The following MIB1 variants were observed in gnomAD, a reference collection of about 807,000 sequenced individuals.
MIB1 encodes the protein MIB E3 ubiquitin protein ligase 1.
Under a neutral mutation model 124.5 loss-of-function variants are expected in MIB1, and 278 were observed. The observed-to-expected ratio is 2.23, with a 90% CI of 2.02 to 2.47. The LOEUF is 2.47. MIB1 is among the 30% of genes most tolerant of loss of function. The pLI, the probability that MIB1 is intolerant of heterozygous loss-of-function variation, is 0.00. For synonymous variants in MIB1, 446 were observed against 429.4 expected, an observed-to-expected ratio of 1.04 and a Z score of -0.48; for missense variants, 957 against 1,254.4, an observed-to-expected ratio of 0.76 and a Z score of 3.58.
intron 12 of MIB1, among the ~76,000 whole-genome samples, chr18:21,830,083 G>T (rs1415285098): frequency 1.3e-5 from 2 of 152,162 alleles, no homozygotes; most frequent in African/African-American, 2.4e-5. Flanking sequence ...TCTGCAGCTT[G>T]TGATAAAAAG....
chr18:21,766,381 A>C (rs1163062735), intron 2 of MIB1, among the ~76,000 whole-genome samples: 1 of 144,894 alleles, frequency 6.9e-6, no homozygotes, highest in Non-Finnish European at 1.5e-5. Flanking sequence ...GACACATAGT[A>C]TTCTTAAGGA....
intron 14 of MIB1, among the ~76,000 whole-genome samples, chr18:21,843,586 C>T (rs538648673): frequency 1.3e-5 from 2 of 152,246 alleles, no homozygotes; most frequent in African/African-American, 4.8e-5. Context: ...AAACACTGTT[C>T]GTATTTATTG....
intron 1 of MIB1, among the ~76,000 whole-genome samples, chr18:21,707,506 G>A (rs1015031370): frequency 3.9e-5 from 6 of 152,198 alleles, no homozygotes; most frequent in African/African-American, 1.4e-4. Flanking sequence ...TCTTGCTGCT[G>A]CTCATTCTTT....
At chr18:21,765,695 A>AT (rs1162266786) in intron 1 of MIB1, 77 bp from the exon 2 acceptor site, 3 of 1,416,662 alleles carry the variant, frequency 2.1e-6, no homozygotes, top group East Asian at 2.4e-5. Context: ...TTCTGTTCTT[A>AT]TTTTTTTCCC....
intron 1 of MIB1, among the ~76,000 whole-genome samples, chr18:21,713,505 C>T (rs1175187700): frequency 6.8e-5 from 10 of 147,362 alleles, no homozygotes; most frequent in East Asian, 2.1e-4. Flanking sequence ...CCCAGCTACT[C>T]GGGAGGATGA....
chr18:21,849,104 T>C, intron 16 of MIB1, 92 bp from the exon 17 acceptor site: 1 of 795,298 alleles, frequency 1.3e-6, no homozygotes, highest in Non-Finnish European at 1.9e-6. Context: ...AGTTTTTATG[T>C]ATACTAATGA....
At chr18:21,799,767 T>G (rs2041628933) in intron 8 of MIB1, 74 bp from the exon 9 acceptor site, 17 of 1,329,850 alleles carry the variant, frequency 1.3e-5, no homozygotes, top group Non-Finnish European at 1.6e-5. Context: ...ATAGAAATAT[T>G]GGGTAATACT....
intron 10 of MIB1, among the ~76,000 whole-genome samples, chr18:21,805,025 A>T (rs1231287045): frequency 6.6e-6 from 1 of 151,986 alleles, no homozygotes; most frequent in East Asian, 1.9e-4. Context: ...TAATTAATTA[A>T]TTTTTGAGGC....
At chr18:21,706,221 A>G (rs1235536006) in intron 1 of MIB1, among the ~76,000 whole-genome samples, 1 of 152,128 alleles carries the variant, frequency 6.6e-6, no homozygotes, top group Non-Finnish European at 1.5e-5. Flanking sequence ...ACCTGGGATT[A>G]CAGGCATGCA....
At chr18:21,755,182 A>G (rs913693816) in intron 1 of MIB1, among the ~76,000 whole-genome samples, 1 of 152,166 alleles carries the variant, frequency 6.6e-6, no homozygotes, top group Non-Finnish European at 1.5e-5. Context: ...ATTTCCTCAG[A>G]TGGAACTAGG....
chr18:21,866,880 C>T lies in MIB1; in HGVS notation c.*2214C>T, dbSNP rs2042325104. ...ATACTTCTTTATTCATGTTTTCAATCACTTAGAATTATTTTAAATTTATTT... is the reference window on the plus strand; with the variant it reads ...ATACTTCTTTATTCATGTTTTCAATTACTTAGAATTATTTTAAATTTATTT... On this transcript the variant is annotated 3_prime_UTR_variant, in exon 21 of 21. Coordinates refer to ENST00000261537, the MANE Select transcript of MIB1 (RefSeq NM_020774.4). 6.6e-6 allele frequency: 1 copy of T among 152,486 alleles called. No homozygotes were observed. Among genetic ancestry groups the T allele is most frequent in the South Asian group, 2.1e-4 (1 of 4,830 alleles). The allele number at this position is 152,486 out of a possible 1,614,324, so 9.4% of individuals were successfully genotyped here. A position where few individuals can be genotyped will look rare whatever the true frequency, so the allele number is the denominator to read the frequency against.
chr18:21,727,940 T>A (rs1055455190), intron 1 of MIB1, among the ~76,000 whole-genome samples: 1 of 152,146 alleles, frequency 6.6e-6, no homozygotes, highest in African/African-American at 2.4e-5. Flanking sequence ...TCCATCCCCT[T>A]GATTGCAACA....
intron 1 of MIB1, among the ~76,000 whole-genome samples, chr18:21,759,264 A>G (rs1265869303): frequency 1.3e-5 from 2 of 151,408 alleles, no homozygotes; most frequent in African/African-American, 2.4e-5. Context: ...TTTTTTTGAG[A>G]CGGAGTTTGG....
At position 21,786,348 on chromosome 18, in the gene MIB1, C is replaced by T. The variant is rs146033634; in HGVS notation, c.909-5026C>T. On this transcript the variant is annotated intron_variant, in intron 6 of 20. Coordinates refer to ENST00000261537, the MANE Select transcript of MIB1 (RefSeq NM_020774.4). ...TCCTGACCTTGTGATCCGCCCGCCT[C>T]GGCCTCCCAAAGTGCTGGGATTACA... 6.6e-5 allele frequency among the ~76,000 whole-genome samples: 10 copies of T among 152,308 alleles called. No individual in the cohort carries two copies. In the East Asian group the frequency reaches 1.5e-3, roughly 23 times the overall value.
In MIB1 at chr18:21,868,891, T is replaced by C. The variant is rs560991175; in HGVS notation, c.*4225T>C. On this transcript the variant is annotated 3_prime_UTR_variant, in exon 21 of 21. Coordinates refer to ENST00000261537, the MANE Select transcript of MIB1 (RefSeq NM_020774.4). Reference sequence around the variant, plus strand: ...TTAGATTGAGCCTCAATTTACTGGTTAGTAGTATGTGAAACTCTGGTATAA... The same window carrying C: ...TTAGATTGAGCCTCAATTTACTGGTCAGTAGTATGTGAAACTCTGGTATAA... The C allele has an allele frequency of 1.6e-4, 25 of 152,534 alleles. No individual in the cohort carries two copies. Among genetic ancestry groups the C allele is most frequent in the African/African-American group, 5.8e-4 (24 of 41,514 alleles). The allele number at this position is 152,534 out of a possible 1,614,324, so 9.4% of individuals were successfully genotyped here.
intron 1 of MIB1, among the ~76,000 whole-genome samples, chr18:21,729,147 T>G (rs1423586903): frequency 6.6e-6 from 1 of 152,188 alleles, no homozygotes; most frequent in Non-Finnish European, 1.5e-5. Flanking sequence ...CTTATATATC[T>G]GATTATATAG....
intron 1 of MIB1, among the ~76,000 whole-genome samples, chr18:21,758,939 A>C (rs1204730470): frequency 1.3e-5 from 2 of 152,130 alleles, no homozygotes; most frequent in Non-Finnish European, 2.9e-5. Context: ...TTTTTTAAAA[A>C]AGTTTTAAAA....
At chr18:21,813,525 A>C (rs1056324602) in intron 10 of MIB1, among the ~76,000 whole-genome samples, 8 of 152,138 alleles carry the variant, frequency 5.3e-5, no homozygotes, top group African/African-American at 1.9e-4. Flanking sequence ...CAAAATTGAT[A>C]CGTAACAAAA....
intron 13 of MIB1, among the ~76,000 whole-genome samples, chr18:21,842,206 T>G (rs1283285501): frequency 6.7e-6 from 1 of 149,530 alleles, no homozygotes; most frequent in Non-Finnish European, 1.5e-5. Flanking sequence ...TCTTGAAGAA[T>G]ATGACATAAC....
Sources: allele counts gnomAD v4.1 joint callset (sites outside exome capture counted in the v4.1 genomes callset), GRCh38; gene constraint gnomAD v4.1.1; transcripts MANE v1.5; gene names NCBI Gene and HGNC (gene_info 2026-07-23, HGNC 2026-07-21).